SLC68A1: variants seen among roughly 807,000 people sequenced by gnomAD.
SLC68A1 encodes major facilitator superfamily domain containing 13A.
the SLC68A1 span, chr10:102,470,640 CCAA>C: frequency 6.3e-7 from 1 of 1,597,766 alleles, no homozygotes; most frequent in Non-Finnish European, 8.5e-7. Context: ...ACGGCATCTC[CCAA>C]CAACTCTCCT....
At chr10:102,470,581 C>T in the SLC68A1 span, 3 of 1,539,784 alleles carry the variant, frequency 1.9e-6, no homozygotes, top group Admixed American at 3.9e-5. Context: ...GGGCCTCCAT[C>T]CCTCCCCTGG....
chr10:102,463,329 C>T, the SLC68A1 span, among the ~76,000 whole-genome samples: 5 of 152,142 alleles, frequency 3.3e-5, no homozygotes, highest in Non-Finnish European at 7.3e-5. Flanking sequence ...CCCGCCACCA[C>T]GCCTGGCTAA....
the SLC68A1 span, chr10:102,475,987 G>A: frequency 1.3e-6 from 2 of 1,588,376 alleles, no homozygotes; most frequent in East Asian, 2.3e-5. Context: ...TGGTGTGAGA[G>A]CTGTGGCAAG....
the SLC68A1 span, chr10:102,470,545 C>A: frequency 1.4e-6 from 2 of 1,477,608 alleles, no homozygotes; most frequent in Non-Finnish European, 1.8e-6. Context: ...GACAGTGGCA[C>A]CACCCTGTTG....
At chr10:102,468,952 C>T in the SLC68A1 span, 1 of 1,313,688 alleles carries the variant, frequency 7.6e-7, no homozygotes, top group Non-Finnish European at 1.0e-6. Flanking sequence ...CCTTCTTCCC[C>T]AGGGACGAGG....
the SLC68A1 span, chr10:102,470,063 G>T: frequency 1.2e-6 from 2 of 1,614,016 alleles, no homozygotes; most frequent in Non-Finnish European, 1.7e-6. Flanking sequence ...CAGTTCCTCA[G>T]CTCCCAGCCC....
At chr10:102,470,789 C>A in the SLC68A1 span, 1 of 1,613,908 alleles carries the variant, frequency 6.2e-7, no homozygotes, top group Admixed American at 1.7e-5. Flanking sequence ...AGCTGGCCTG[C>A]AGTTCTTGCT....
chr10:102,475,925 G>T, the SLC68A1 span: 1 of 1,613,648 alleles, frequency 6.2e-7, no homozygotes. Flanking sequence ...CCTGCACATG[G>T]TCAAGGCCCA....
the SLC68A1 span, chr10:102,471,293 T>C: frequency 1.2e-6 from 2 of 1,613,938 alleles, no homozygotes; most frequent in South Asian, 1.1e-5. Flanking sequence ...GAGGAGCTGC[T>C]TGTAGGCAGT....
At chr10:102,476,073 TA>T in the SLC68A1 span, 2 of 1,255,430 alleles carry the variant, frequency 1.6e-6, no homozygotes, top group Non-Finnish European at 2.0e-6. Context: ...AAGGATTTCA[TA>T]GTTTTTTTTT....
the SLC68A1 span, chr10:102,475,897 C>T: frequency 2.5e-6 from 4 of 1,613,920 alleles, no homozygotes; most frequent in Non-Finnish European, 3.4e-6. Context: ...GGTCCCAGTT[C>T]ACGCTGCATG....
chr10:102,475,267 G>T, the SLC68A1 span, among the ~76,000 whole-genome samples: 2 of 151,078 alleles, frequency 1.3e-5, no homozygotes, highest in Admixed American at 1.3e-4. Flanking sequence ...CTTCACTCCA[G>T]CCTAGGTGAC....
chr10:102,463,591 T>G, the SLC68A1 span, among the ~76,000 whole-genome samples: 1 of 137,292 alleles, frequency 7.3e-6, no homozygotes, highest in African/African-American at 2.8e-5. Flanking sequence ...GCCGTGACAC[T>G]GGATGAGCAG....
chr10:102,472,828 T>G, the SLC68A1 span: 1 of 1,594,310 alleles, frequency 6.3e-7, no homozygotes, highest in Non-Finnish European at 8.6e-7. Context: ...ACTGGAAGCC[T>G]CCTCACCATC....
the SLC68A1 span, chr10:102,472,936 G>T: frequency 6.2e-7 from 1 of 1,613,780 alleles, no homozygotes; most frequent in South Asian, 1.1e-5. Context: ...CTTTCCACGG[G>T]CTCCATCCTG....
the SLC68A1 span, chr10:102,475,812 C>T: frequency 6.8e-6 from 11 of 1,613,952 alleles, no homozygotes; most frequent in South Asian, 2.2e-5. Flanking sequence ...GCACAGGCCC[C>T]GACGCTCCGC....
the SLC68A1 span, chr10:102,471,252 C>A: frequency 3.1e-5 from 50 of 1,610,038 alleles, no homozygotes; most frequent in South Asian, 5.1e-4. Context: ...AGGCAGTTCT[C>A]CACTCCCTTC....
chr10:102,474,008 C>T, the SLC68A1 span: 8 of 1,600,056 alleles, frequency 5.0e-6, no homozygotes, highest in African/African-American at 2.7e-5. Flanking sequence ...TCTGTTTCTA[C>T]ACAGGTGAGG....
the SLC68A1 span, chr10:102,472,124 C>G: frequency 2.3e-6 from 1 of 433,568 alleles, no homozygotes; most frequent in Admixed American, 2.5e-5. Flanking sequence ...GATTGCACCA[C>G]TGCACTCCAG....
Sources: gnomAD v4.1 joint callset for allele counts (sites outside exome capture counted in the v4.1 genomes callset) on GRCh38, gnomAD v4.1.1 for gene constraint, MANE v1.5 for transcripts, NCBI Gene and HGNC (gene_info 2026-07-23, HGNC 2026-07-21) for gene names.